Variants in IQGAP2 observed in about 807,000 individuals in gnomAD.
The protein encoded by IQGAP2 is ras GTPase-activating-like protein IQGAP2.
A neutral mutation model predicts 201.3 loss-of-function variants in IQGAP2; 173 were observed. The observed-to-expected ratio is 0.86, with a 90% CI of 0.76 to 0.98. The LOEUF is 0.98. Among genes scored for constraint, IQGAP2 ranks in the 50% least tolerant of loss-of-function variants. IQGAP2 has a pLI of 0.00. For missense variants in IQGAP2, 1,687 were observed against 1,864.8 expected (o/e 0.90, Z 1.76); for synonymous variants, 675 against 673.9 (o/e 1.00, Z -0.03).
At chr5:76,650,497 CAT>C (rs1211079824) in intron 17 of IQGAP2, among the ~76,000 whole-genome samples, 6 of 152,118 alleles carry the variant, frequency 3.9e-5, no homozygotes, top group Admixed American at 6.6e-5. Context: ...TTTTTGTTAA[CAT>C]GTGGTATCAT....
At position 76,671,914 on chromosome 5, in the gene IQGAP2, T is replaced by A. The variant is rs774980863; in HGVS notation, c.2999T>A (p.Ile1000Asn). The A allele has an allele frequency of 6.8e-6, 11 of 1,614,082 alleles. No individual in the cohort carries two copies. Among genetic ancestry groups the A allele is most frequent in the Non-Finnish European group, 9.3e-6 (11 of 1,180,002 alleles). Reference sequence around the variant, plus strand: ...ATCATCGACGACAAGTCGCTGATTATCAACACAAACCCTGTAGAGGTGTAC... The same window carrying A: ...ATCATCGACGACAAGTCGCTGATTAACAACACAAACCCTGTAGAGGTGTAC... Reference protein sequence around the residue: ...KEIIDDKSLIINTNPVEVYKA... With the variant: ...KEIIDDKSLINNTNPVEVYKA... The change falls in exon 24 of 36, where the codon ATC becomes AAC. Residue 1000 changes from isoleucine to asparagine, a missense_variant. By Grantham distance (149) the Ile-to-Asn change is moderately radical (BLOSUM62 -3). Transcript: ENST00000274364.
chr5:76,655,917 A>G (rs1752875273), intron 20 of IQGAP2, among the ~76,000 whole-genome samples: 1 of 152,228 alleles, frequency 6.6e-6, no homozygotes, highest in South Asian at 2.1e-4. Flanking sequence ...TCACGGGAAC[A>G]TGCACAGTCA....
chr5:76,529,266 C>G (rs1233986006), intron 2 of IQGAP2, among the ~76,000 whole-genome samples: 1 of 152,130 alleles, frequency 6.6e-6, no homozygotes, highest in African/African-American at 2.4e-5. Flanking sequence ...TACCTTCAAA[C>G]TAAATTAACT....
intron 24 of IQGAP2, among the ~76,000 whole-genome samples, chr5:76,672,308 AGGC>A (rs1348360277): frequency 6.6e-6 from 1 of 152,154 alleles, no homozygotes; most frequent in African/African-American, 2.4e-5. Context: ...TACAGTTACC[AGGC>A]AAGTAACTTT....
In IQGAP2 at chr5:76,655,105, G is replaced by T; in HGVS notation, c.2320+102G>T. The T allele has an allele frequency of 4.0e-6, 3 of 753,782 alleles. No homozygotes were observed. In the South Asian group the frequency reaches 5.2e-5, roughly 13 times the overall value. The allele number at this position is 753,782 out of a possible 1,614,324, so 46.7% of individuals were successfully genotyped here. A position where few individuals can be genotyped will look rare whatever the true frequency, so the allele number is the denominator to read the frequency against. ...TTCAGAGGCTGCTCTAAGAACAGAG[G>T]ATACCCATTGTTTCCAGTAGATTTT... On this transcript the variant is annotated intron_variant, in intron 20 of 35. Transcript: ENST00000274364.
At chr5:76,501,895 G>A (rs983016964) in intron 2 of IQGAP2, among the ~76,000 whole-genome samples, 5 of 151,778 alleles carry the variant, frequency 3.3e-5, no homozygotes, top group Admixed American at 1.3e-4. Context: ...CACCCACCTC[G>A]GCCTCCCAAA....
At chr5:76,620,135 T>A (rs1477488034) in intron 13 of IQGAP2, among the ~76,000 whole-genome samples, 2 of 152,180 alleles carry the variant, frequency 1.3e-5, no homozygotes, top group Non-Finnish European at 2.9e-5. Flanking sequence ...TGTAATGATT[T>A]GATATAGCAG....
At chr5:76,612,879 G>C (rs879858685) in intron 13 of IQGAP2, among the ~76,000 whole-genome samples, 12 of 152,078 alleles carry the variant, frequency 7.9e-5, no homozygotes, top group Non-Finnish European at 1.5e-4. Flanking sequence ...GTACTGCTTG[G>C]ATTTTTAAAT....
intron 2 of IQGAP2, among the ~76,000 whole-genome samples, chr5:76,541,182 C>G (rs1742745879): frequency 6.6e-6 from 1 of 151,628 alleles, no homozygotes; most frequent in African/African-American, 2.4e-5. Context: ...AAAATAATTC[C>G]CTATTCCCCC....
chr5:76,501,516 G>A (rs1382189880), intron 2 of IQGAP2, among the ~76,000 whole-genome samples: 1 of 151,990 alleles, frequency 6.6e-6, no homozygotes, highest in Non-Finnish European at 1.5e-5. Context: ...ATAGTGTTGG[G>A]TTGTCTGGTG....
intron 5 of IQGAP2, among the ~76,000 whole-genome samples, chr5:76,583,033 T>C: frequency 6.6e-6 from 1 of 152,148 alleles, no homozygotes; most frequent in East Asian, 1.9e-4. Flanking sequence ...CTCTTAGACA[T>C]GAGAAGCAAA....
chr5:76,670,256 A>G (rs890407083), intron 23 of IQGAP2, among the ~76,000 whole-genome samples: 1 of 152,258 alleles, frequency 6.6e-6, no homozygotes, highest in East Asian at 1.9e-4. Context: ...TCACGCCTGT[A>G]GTCCCAGCAC....
At position 76,685,054 on chromosome 5, in the gene IQGAP2, GC is replaced by G. The variant is rs577337759; in HGVS notation, c.3905+1141del. On this transcript the variant is annotated intron_variant, in intron 30 of 35. Coordinates refer to ENST00000274364, the MANE Select transcript of IQGAP2 (RefSeq NM_006633.5). ...TACAACAGTGGGTAAGCTGGAAACA[GC>G]CCCTGTCTTACAGGGGTGGAGAGCA... Among the ~76,000 whole-genome samples, 6 of 152,290 alleles carry G rather than the reference GC, an allele frequency of 3.9e-5. No individual in the cohort carries two copies. In the East Asian group the frequency reaches 1.2e-3, roughly 29 times the overall value.
chr5:76,546,154 G>A (rs1026625118), intron 2 of IQGAP2, among the ~76,000 whole-genome samples: 2 of 151,578 alleles, frequency 1.3e-5, no homozygotes, highest in Non-Finnish European at 2.9e-5. Context: ...ACCCCTTTTT[G>A]GCCGGGTGTG....
At chr5:76,516,628 G>A (rs1185561761) in intron 2 of IQGAP2, among the ~76,000 whole-genome samples, 1 of 152,152 alleles carries the variant, frequency 6.6e-6, no homozygotes, top group Non-Finnish European at 1.5e-5. Context: ...TGTTGGGGGA[G>A]GGGGTTGCCG....
intron 33 of IQGAP2, among the ~76,000 whole-genome samples, chr5:76,700,361 G>A (rs924307002): frequency 7.9e-5 from 12 of 152,114 alleles, no homozygotes; most frequent in African/African-American, 2.4e-4. Context: ...ACAAAAATTC[G>A]CCGGATGTGG....
At chr5:76,546,026 C>T (rs1318527330) in intron 2 of IQGAP2, among the ~76,000 whole-genome samples, 1 of 152,118 alleles carries the variant, frequency 6.6e-6, no homozygotes, top group Non-Finnish European at 1.5e-5. Flanking sequence ...AACAGATGCC[C>T]AATAGGGAAT....
chr5:76,538,428 A>G (rs913869835), intron 2 of IQGAP2, among the ~76,000 whole-genome samples: 2 of 152,164 alleles, frequency 1.3e-5, no homozygotes, highest in Non-Finnish European at 2.9e-5. Context: ...AGGGCAATGG[A>G]GGTAGTCTGA....
chr5:76,455,747 G>A (rs928914593), intron 1 of IQGAP2, among the ~76,000 whole-genome samples: 4 of 152,138 alleles, frequency 2.6e-5, no homozygotes, highest in African/African-American at 7.2e-5. Flanking sequence ...AGCCAATCAG[G>A]AACTCTAACT....
Sources: gnomAD v4.1 joint callset for allele counts (sites outside exome capture counted in the v4.1 genomes callset) on GRCh38, gnomAD v4.1.1 for gene constraint, MANE v1.5 for transcripts, NCBI Gene and HGNC (gene_info 2026-07-23, HGNC 2026-07-21) for gene names.